The following KIF7 variants were observed in gnomAD, a reference collection of about 807,000 sequenced individuals.
KIF7 encodes kinesin family member 7, also known as kinesin-like protein KIF7.
A neutral mutation model predicts 135.7 loss-of-function variants in KIF7; 104 were observed. That is an observed-to-expected ratio of 0.77 (90% CI 0.65 to 0.90). The LOEUF is 0.90. Ranked by LOEUF, KIF7 falls within the 40% of genes least tolerant of loss-of-function variation. KIF7 has a pLI of 0.00. For synonymous variants in KIF7, 883 were observed against 809.4 expected, an observed-to-expected ratio of 1.09 and a Z score of -1.54; for missense variants, 2,005 against 1,839.1, an observed-to-expected ratio of 1.09 and a Z score of -1.65.
At position 89,647,756 on chromosome 15, in the gene KIF7, G is replaced by A. The variant is rs898446881; in HGVS notation, c.1444-44C>T. 3 of 1,406,106 alleles carry A rather than the reference G, an allele frequency of 2.1e-6. No homozygotes were observed. The East Asian group carries it at 7.5e-5, about 35-fold the overall frequency. The allele number at this position is 1,406,106 out of a possible 1,614,324, so 87.1% of individuals were successfully genotyped here. On this transcript the variant is annotated intron_variant, in intron 5 of 18. Coordinates refer to ENST00000394412, the MANE Select transcript of KIF7 (RefSeq NM_198525.3). ...GGCTTCAGGGGCGGGGGTTGACAGG[G>A]CGAGCTGGACACCCGGCCTCTTCTT...
chr15:89,661,350 A>T, the KIF7 span, among the ~76,000 whole-genome samples: 6 of 152,308 alleles, frequency 3.9e-5, no homozygotes, highest in African/African-American at 7.2e-5. Context: ...GGCATGCAAA[A>T]CTCAATCATA....
chr15:89,640,890 C>A (rs114981556), intron 11 of KIF7, among the ~76,000 whole-genome samples: 1,613 of 151,658 alleles, frequency 0.011, 38 homozygotes, highest in African/African-American at 0.038. Context: ...TGGCACCCCG[C>A]TACTCAGGAG....
chr15:89,622,224 G>GACC (rs1261484378), intron 1 of KIF7, among the ~76,000 whole-genome samples: 6 of 152,002 alleles, frequency 3.9e-5, no homozygotes, highest in Admixed American at 6.5e-5. Context: ...GACCTCAAGT[G>GACC]ATCCACCTGC....
In KIF7 at chr15:89,629,455, C is replaced by A; in HGVS notation, c.3437G>T (p.Arg1146Leu). The change falls in exon 17 of 19, where the codon CGC becomes CTC. Residue 1146 changes from arginine (R) to leucine (L), a missense_variant. Transcript: ENST00000394412. ...YWLEVALERQ[R>L]LEMDRQLTLQ... is the part of the protein sequence containing the mutation. ...GGTCAGCTGGCGGTCCATCTCCAGG[C>A]GCTGCCGCTCCAGGGCCACCTCCAG... 1 of 1,609,686 alleles carries A rather than the reference C, an allele frequency of 6.2e-7. No homozygotes were observed. Among genetic ancestry groups the A allele is most frequent in the Non-Finnish European group, 8.5e-7 (1 of 1,179,966 alleles).
intron 6 of KIF7, 150 bp from the exon 7 acceptor site, chr15:89,647,207 A>G (rs1357894824): frequency 1.4e-6 from 1 of 718,676 alleles, no homozygotes; most frequent in Non-Finnish European, 2.4e-6. Context: ...ACAACTCTGT[A>G]GGAGTTCAGA....
rs375802364 is a variant in KIF7 at position 89,630,380 on chromosome 15, C to A, written c.3225G>T (p.Ser1075=). 17 of 1,614,026 alleles carry A rather than the reference C, an allele frequency of 1.1e-5. No individual in the cohort carries two copies. Among genetic ancestry groups the A allele is most frequent in the Non-Finnish European group, 1.4e-5 (17 of 1,179,968 alleles). The part of the protein sequence containing the change: ...CRQRVLRASA[S]LLSQCEMNLM... The stretch of plus-strand genomic sequence containing the variant: ...GGTTCATCTCGCACTGGGACAGCAA[C>A]GAGGCTGAGGCCCGAAGCACCCGCT... Residue 1075 remains serine, a synonymous_variant, in exon 16 of 19, where the codon TCG becomes TCT. Transcript: ENST00000394412.
Position 89,647,714 on chromosome 15 carries a change from T to C in KIF7, c.1444-2A>G. 3 of 1,561,874 alleles carry C rather than the reference T, an allele frequency of 1.9e-6. No individual in the cohort carries two copies. The highest frequency in any genetic ancestry group is 1.4e-5 in the African/African-American group (1 of 73,840). On this transcript the variant is annotated splice_acceptor_variant, in intron 5 of 18. Coordinates refer to ENST00000394412, the MANE Select transcript of KIF7 (RefSeq NM_198525.3). LOFTEE classifies it high-confidence loss of function. ...CAGCTGCTGCGCCCCCTCATCCTCC[T>C]ATAGGGCAGGGAGAGGGGCTTCAGG...
chr15:89,629,364 G>C lies in KIF7; in HGVS notation c.3517+11C>G. 1.3e-6 allele frequency: 2 copies of C among 1,582,084 alleles called. No homozygotes were observed. Among genetic ancestry groups the C allele is most frequent in the Non-Finnish European group, 1.7e-6 (2 of 1,169,264 alleles). ...GGGCCGGGGTTGTGAGCCATGGGCCGGGCTGCTCACCTCGACTCTGCTGCA... is the reference window on the plus strand; with the variant it reads ...GGGCCGGGGTTGTGAGCCATGGGCCCGGCTGCTCACCTCGACTCTGCTGCA... On this transcript the variant is annotated intron_variant, in intron 17 of 18. Transcript: ENST00000394412.
intron 1 of KIF7, among the ~76,000 whole-genome samples, chr15:89,620,453 C>G (rs894296877): frequency 6.6e-6 from 1 of 152,088 alleles, no homozygotes; most frequent in Non-Finnish European, 1.5e-5. Context: ...AGTGATCCAT[C>G]TGCCTCGGCC....
At chr15:89,623,011 G>A (rs1426648786), downstream of KIF7, among the ~76,000 whole-genome samples, 2 of 152,254 alleles carry the variant, frequency 1.3e-5, no homozygotes, top group Non-Finnish European at 2.9e-5. Context: ...CCCCTGACGG[G>A]ATGAAGGAAG....
At chr15:89,629,175 G>T in intron 17 of KIF7, 53 bp from the exon 18 acceptor site, 1 of 1,554,792 alleles carries the variant, frequency 6.4e-7, no homozygotes, top group Non-Finnish European at 8.7e-7. Context: ...CGGGGCAGGC[G>T]GCCAGGGCTG....
chr15:89,643,831 G>A (rs1366550628), intron 10 of KIF7, among the ~76,000 whole-genome samples: 2 of 143,182 alleles, frequency 1.4e-5, no homozygotes, highest in Non-Finnish European at 1.5e-5. Context: ...GTTGCAGTGA[G>A]CCAACATCGT....
At chr15:89,627,388 G>GGCAAGTCA, downstream of KIF7, 1 of 348,458 alleles carries the variant, frequency 2.9e-6, no homozygotes, top group Middle Eastern at 8.1e-4. Flanking sequence ...CCATGACCTT[G>GGCAAGTCA]GCAAGTCAGG....
intron 15 of KIF7, 53 bp downstream of exon 15, chr15:89,631,442 A>G (rs998111065): frequency 2.0e-5 from 29 of 1,457,604 alleles, no homozygotes; most frequent in Non-Finnish European, 2.4e-5. Flanking sequence ...AGGAGAGCAG[A>G]CAGACAGGCA....
At chr15:89,618,474 C>A (rs1410733927) in intron 1 of KIF7, among the ~76,000 whole-genome samples, 1 of 152,136 alleles carries the variant, frequency 6.6e-6, no homozygotes, top group Non-Finnish European at 1.5e-5. Context: ...AGTGCTATGA[C>A]TTATTTTAAA....
At chr15:89,647,860 C>CAG in intron 5 of KIF7, 148 bp from the exon 6 acceptor site, 1 of 713,246 alleles carries the variant, frequency 1.4e-6, no homozygotes, top group Non-Finnish European at 2.3e-6. Context: ...GAGGAAACCC[C>CAG]AGACCCCAGC....
At position 89,648,736 on chromosome 15, in the gene KIF7, A is replaced by G. The variant is rs913347544; in HGVS notation, c.962T>C (p.Val321Ala). ...GGAAGGGCTGACGCAGGCGATCATC[A>G]CCGTCTTGGCGTTCCCGCCCAGCGA... is the stretch of plus-strand genomic sequence containing the variant. Reference protein sequence around the residue: ...KDSLGGNAKTVMIACVSPSSS... With the variant: ...KDSLGGNAKTAMIACVSPSSS... The change falls in exon 5 of 19, where the codon GTG (valine) becomes GCG (alanine). Residue 321 changes from valine to alanine, a missense_variant. Val to Ala is a moderately conservative substitution (Grantham distance 64). Coordinates refer to ENST00000394412, the MANE Select transcript of KIF7 (RefSeq NM_198525.3). 4 of 1,536,060 alleles carry G rather than the reference A, an allele frequency of 2.6e-6. No individual in the cohort carries two copies. The Admixed American group carries it at 7.8e-5, about 30-fold the overall frequency.
chr15:89,628,666 C>A lies in KIF7; in HGVS notation c.3785G>T (p.Arg1262Leu), dbSNP rs561205514. 35 of 1,613,148 alleles carry A rather than the reference C, an allele frequency of 2.2e-5. No homozygotes were observed. In the East Asian group the frequency reaches 5.8e-4, roughly 27 times the overall value. Reference sequence around the variant, plus strand: ...GTGGACCAAGTCCCGCGTCTCCTCCCGGGTGCGGGGGGCCCCCTCAGTGAG... The same window carrying A: ...GTGGACCAAGTCCCGCGTCTCCTCCAGGGTGCGGGGGGCCCCCTCAGTGAG... Reference protein sequence around the residue: ...SPLTEGAPRTREETRDLVHAP... With the variant: ...SPLTEGAPRTLEETRDLVHAP... Residue 1262 changes from arginine to leucine, a missense_variant, in exon 19 of 19, where the codon CGG becomes CTG. Physicochemically the swap from Arg to Leu is moderately radical, Grantham distance 102. Transcript: ENST00000394412.
chr15:89,619,659 T>C (rs1596057387), intron 1 of KIF7: 1 of 1,559,990 alleles, frequency 6.4e-7, no homozygotes, highest in East Asian at 2.3e-5. Context: ...TGAGAAAATG[T>C]CAAGCTTGTA....
Sources: gnomAD v4.1 joint callset for allele counts (sites outside exome capture counted in the v4.1 genomes callset) on GRCh38, gnomAD v4.1.1 for gene constraint, MANE v1.5 for transcripts, NCBI Gene and HGNC (gene_info 2026-07-23, HGNC 2026-07-21) for gene names.